DCP1B: variants seen among roughly 807,000 people sequenced by gnomAD.
The protein encoded by DCP1B is decapping mRNA 1B, also known as mRNA-decapping enzyme 1B.
DCP1B carries 47 observed loss-of-function variants against 60.5 expected under a neutral mutation model. The observed-to-expected ratio is 0.78, with a 90% CI of 0.61 to 0.99. The LOEUF (loss-of-function observed/expected upper bound fraction) is 0.99, where lower values mean the gene tolerates loss of function less well. Ranked by LOEUF, DCP1B falls within the 50% of genes least tolerant of loss-of-function variation. DCP1B has a pLI of 0.00. For missense variants in DCP1B, 725 were observed against 756.8 expected (o/e 0.96, Z 0.49); for synonymous variants, 267 against 280.3 (o/e 0.95, Z 0.47).
chr12:1,950,041 C>G (rs1053485135), intron 7 of DCP1B: 7 of 408,996 alleles, frequency 1.7e-5, no homozygotes, highest in Middle Eastern at 6.4e-4. Context: ...TGATCCTTAT[C>G]TGACTGACTC....
chr12:1,991,550 C>T, intron 3 of DCP1B: 1 of 225,764 alleles, frequency 4.4e-6, no homozygotes, highest in Non-Finnish European at 8.7e-6. Context: ...AGGTTTTTTC[C>T]TTTTTTTTTT....
chr12:1,950,886 G>T (rs1012278786), intron 7 of DCP1B, among the ~76,000 whole-genome samples: 1 of 152,126 alleles, frequency 6.6e-6, no homozygotes, highest in African/African-American at 2.4e-5. Context: ...AGGTTCAAGC[G>T]ATTCTCCTAT....
At chr12:1,981,953 C>T (rs1316327031) in intron 3 of DCP1B, among the ~76,000 whole-genome samples, 2 of 152,172 alleles carry the variant, frequency 1.3e-5, no homozygotes, top group African/African-American at 2.4e-5. Context: ...ATTAGGCAAG[C>T]GTGCAAGAGT....
At chr12:1,942,842 C>T (rs1468829514), downstream of DCP1B, among the ~76,000 whole-genome samples, 2 of 152,006 alleles carry the variant, frequency 1.3e-5, no homozygotes, top group Non-Finnish European at 2.9e-5. Context: ...CAGAAGAAAG[C>T]GGGAATGATC....
At chr12:1,970,223 C>T (rs1163586381) in intron 3 of DCP1B, among the ~76,000 whole-genome samples, 1 of 152,112 alleles carries the variant, frequency 6.6e-6, no homozygotes, top group Non-Finnish European at 1.5e-5. Flanking sequence ...GAACATCTTT[C>T]AAATGTCAAA....
At chr12:1,976,281 G>C (rs980170828) in intron 3 of DCP1B, among the ~76,000 whole-genome samples, 4 of 152,164 alleles carry the variant, frequency 2.6e-5, no homozygotes, top group African/African-American at 4.8e-5. Flanking sequence ...ATAATAAATA[G>C]ATCAATTTTT....
At chr12:1,984,778 TAAAAA>T (rs764705302) in intron 3 of DCP1B, among the ~76,000 whole-genome samples, 1 of 81,344 alleles carries the variant, frequency 1.2e-5, no homozygotes, top group African/African-American at 4.9e-5. Context: ...GGTCTTCTGG[TAAAAA>T]AAAAAAAAAA....
rs898566463 is a variant in DCP1B, at chr12:1,971,837, T to C, written c.320-3927A>G. 7.2e-5 allele frequency among the ~76,000 whole-genome samples: 11 copies of C among 152,264 alleles called. No homozygotes were observed. Among genetic ancestry groups the C allele is most frequent in the African/African-American group, 2.7e-4 (11 of 41,468 alleles). The stretch of plus-strand genomic sequence containing the variant: ...GTTTGATCTGTTCTTTTAAGATATT[T>C]ATAATTTGTTTTATATTTTTACCCA... On this transcript the variant is annotated intron_variant, in intron 3 of 8. Coordinates refer to ENST00000280665, the MANE Select transcript of DCP1B (RefSeq NM_152640.5). This position sits in a 1 kb window ranked among gnomAD's most constrained non-coding sequence, Gnocchi z 4.2.
intron 2 of DCP1B, among the ~76,000 whole-genome samples, chr12:1,997,031 A>C (rs374555105): frequency 6.6e-6 from 1 of 152,346 alleles, no homozygotes; most frequent in South Asian, 2.1e-4. Context: ...ATGTGAATGA[A>C]AAGTTTATTT....
chr12:1,949,878 T>C (rs948324779), intron 7 of DCP1B, among the ~76,000 whole-genome samples: 8 of 152,234 alleles, frequency 5.3e-5, no homozygotes, highest in African/African-American at 1.9e-4. Context: ...CAGAGAGCCC[T>C]CATCTTCAGC....
chr12:1,982,258 T>C (rs887463385), intron 3 of DCP1B, among the ~76,000 whole-genome samples: 3 of 152,188 alleles, frequency 2.0e-5, no homozygotes, highest in African/African-American at 4.8e-5. Flanking sequence ...GTTTAAAATA[T>C]GCAGTTCAGT....
At chr12:1,953,336 A>T in intron 6 of DCP1B, 48 bp from the exon 7 acceptor site, 2 of 1,510,702 alleles carry the variant, frequency 1.3e-6, no homozygotes, top group Non-Finnish European at 1.8e-6. Flanking sequence ...CAATTTGGTT[A>T]TATGAGGAAG....
In DCP1B at chr12:2,004,269, C is replaced by G; in HGVS notation, c.150+13G>C. The G allele has an allele frequency of 6.2e-7, 1 of 1,612,860 alleles. No individual in the cohort carries two copies. The highest frequency in any genetic ancestry group is 8.5e-7 in the Non-Finnish European group (1 of 1,179,808). ...AACCCTGGGCTGCACTGCTCCGCCG[C>G]GTCCGCACGCACCCACTCGTTGGCC... On this transcript the variant is annotated intron_variant, in intron 1 of 8. Transcript: ENST00000280665.
chr12:2,000,138 A>G (rs1207700872), intron 1 of DCP1B, among the ~76,000 whole-genome samples: 1 of 152,196 alleles, frequency 6.6e-6, no homozygotes, highest in African/African-American at 2.4e-5. Flanking sequence ...GGCTGTCCCT[A>G]AAGTTTAACT....
rs1159600698 is a variant in DCP1B at position 1,962,112 on chromosome 12, G to C, written c.522+3446C>G. ...GAATTTCCTCAAGGAAGGCAAGGCA[G>C]GGCATGGTAAACAGGTTAAGATTGG... On this transcript the variant is annotated intron_variant, in intron 5 of 8. Transcript: ENST00000280665. The surrounding 1 kb of genome is among the most constrained non-coding windows in gnomAD (Gnocchi z 4.4). Among the ~76,000 whole-genome samples, 3 of 152,216 alleles carry C rather than the reference G, an allele frequency of 2.0e-5. No individual in the cohort carries two copies. Among genetic ancestry groups the C allele is most frequent in the Non-Finnish European group, 2.9e-5 (2 of 68,038 alleles).
downstream of DCP1B, among the ~76,000 whole-genome samples, chr12:1,945,273 A>G (rs1392894511): frequency 6.6e-6 from 1 of 152,218 alleles, no homozygotes; most frequent in Non-Finnish European, 1.5e-5. Flanking sequence ...AAAAGTCAGG[A>G]AACAACAGAT....
intron 2 of DCP1B, among the ~76,000 whole-genome samples, chr12:1,995,632 G>A (rs1193310088): frequency 6.6e-6 from 1 of 152,150 alleles, no homozygotes; most frequent in Non-Finnish European, 1.5e-5. Flanking sequence ...CCCTGCAGCT[G>A]AGCTCCCTCC....
At chr12:1,997,913 T>C (rs996018213) in intron 2 of DCP1B, 22 bp downstream of exon 2, 2 of 1,583,544 alleles carry the variant, frequency 1.3e-6, no homozygotes, top group African/African-American at 2.7e-5. Context: ...TTAGTTTCTT[T>C]ATAAAAGTGA....
intron 2 of DCP1B, 24 bp from the exon 3 acceptor site, chr12:1,993,415 G>T (rs746252832): frequency 1.2e-6 from 2 of 1,603,546 alleles, no homozygotes; most frequent in Non-Finnish European, 1.7e-6. Context: ...GGAGTCAGGG[G>T]GAAATCAATA....
Sources: allele counts gnomAD v4.1 joint callset (sites outside exome capture counted in the v4.1 genomes callset), GRCh38; gene constraint gnomAD v4.1.1; non-coding constraint Gnocchi (gnomAD v3.1); transcripts MANE v1.5; gene names NCBI Gene and HGNC (gene_info 2026-07-23, HGNC 2026-07-21).